Variants in MZT2B observed in about 807,000 individuals in gnomAD.
MZT2B encodes mitotic-spindle organizing protein 2B.
MZT2B carries 11 observed loss-of-function variants against 12.1 expected under a neutral mutation model. The observed-to-expected ratio is 0.91, with a 90% confidence interval of 0.57 to 1.50. The LOEUF is 1.50. MZT2B is among the 40% of genes most tolerant of loss of function. The probability of loss-of-function intolerance (pLI) is 0.00; values close to 1 mark genes in which losing one functional copy is unlikely to be tolerated. For missense variants in MZT2B, 209 were observed against 227.7 expected, an observed-to-expected ratio of 0.92 and a Z score of 0.53; for synonymous variants, 85 against 109.5, an observed-to-expected ratio of 0.78 and a Z score of 1.40.
chr2:130,194,321 G>A (rs778492048), downstream of MZT2B: 4 of 1,612,908 alleles, frequency 2.5e-6, no homozygotes, highest in South Asian at 1.1e-5. Context: ...GACCTGGGGG[G>A]CTGGGTAAAT....
In MZT2B at chr2:130,182,724, C is replaced by T; in HGVS notation, c.268C>T (p.Gln90Ter). 2 of 1,535,326 alleles carry T rather than the reference C, an allele frequency of 1.3e-6. No individual in the cohort carries two copies. The highest frequency in any genetic ancestry group is 1.8e-6 in the Non-Finnish European group (2 of 1,137,802). Residue 90 changes from glutamine (Q) to a stop codon, truncating the protein, a stop_gained, in exon 2 of 3, where the codon CAG becomes TAG. Transcript: ENST00000281871. LOFTEE classifies it high-confidence loss of function. Reference sequence around the variant, plus strand: ...CGGGCAGAGGCTAGCGAGCGAGCCCCAGGACCCTGCGGCCGTGTCTCTGCC... The same window carrying T: ...CGGGCAGAGGCTAGCGAGCGAGCCCTAGGACCCTGCGGCCGTGTCTCTGCC... ...CAGQRLASEP[Q>*]DPAAVSLPTS...
chr2:130,203,395 C>T, the MZT2B span, among the ~76,000 whole-genome samples: 1 of 152,088 alleles, frequency 6.6e-6, no homozygotes, highest in South Asian at 2.1e-4. Flanking sequence ...CCAGCTTGCT[C>T]CAGGTCTCGT....
At chr2:130,193,947 C>T (rs568047874), downstream of MZT2B, 4 of 1,614,220 alleles carry the variant, frequency 2.5e-6, no homozygotes, top group South Asian at 4.4e-5. Flanking sequence ...ATCTGATTGG[C>T]TGGCTCGAAG....
At chr2:130,188,189 C>T (rs534745913) in intron 2 of MZT2B, 7 of 153,082 alleles carry the variant, frequency 4.6e-5, no homozygotes, top group South Asian at 2.1e-4. Context: ...GAAGGGAAGC[C>T]GACTCTGAGT....
In MZT2B at chr2:130,183,920, C is replaced by G. The variant is rs1558776647; in HGVS notation, c.319+1145C>G. 1 of 1,550,596 alleles carries G rather than the reference C, an allele frequency of 6.4e-7. No homozygotes were observed. Among genetic ancestry groups the G allele is most frequent in the South Asian group, 1.2e-5 (1 of 84,062 alleles). On this transcript the variant is annotated intron_variant, in intron 2 of 2. Coordinates refer to ENST00000281871, the MANE Select transcript of MZT2B (RefSeq NM_025029.5). ...CACACTCGCCTCTCTCTCCAGGCCCCCCGGGTTCCCTCCGCCTCTCTTGCT... is the reference window on the plus strand; with the variant it reads ...CACACTCGCCTCTCTCTCCAGGCCCGCCGGGTTCCCTCCGCCTCTCTTGCT...
intron 2 of MZT2B, among the ~76,000 whole-genome samples, chr2:130,190,078 C>T (rs1329820439): frequency 2.0e-5 from 3 of 152,192 alleles, no homozygotes; most frequent in Admixed American, 1.3e-4. Context: ...GATGAGGCAG[C>T]GCATCCCTGC....
At chr2:130,188,673 G>A (rs552628095) in intron 2 of MZT2B, among the ~76,000 whole-genome samples, 11 of 152,238 alleles carry the variant, frequency 7.2e-5, no homozygotes, top group Admixed American at 3.3e-4. Context: ...AGGCAAGAAT[G>A]AGCAAAGATC....
downstream of MZT2B, chr2:130,195,246 G>A (rs1690376731): frequency 1.9e-6 from 3 of 1,612,802 alleles, no homozygotes; most frequent in South Asian, 3.3e-5. Flanking sequence ...GAGACAGTGT[G>A]TACTGTGAAT....
chr2:130,196,857 C>T, the MZT2B span, among the ~76,000 whole-genome samples: 146 of 152,312 alleles, frequency 9.6e-4, no homozygotes, highest in African/African-American at 3.4e-3. Flanking sequence ...TCACCACCTG[C>T]TCTGTGCTCT....
At chr2:130,186,461 G>C (rs1690069117) in intron 2 of MZT2B, among the ~76,000 whole-genome samples, 1 of 152,234 alleles carries the variant, frequency 6.6e-6, no homozygotes, top group Non-Finnish European at 1.5e-5. Flanking sequence ...TTTAAGTTTA[G>C]AGAAACTATA....
downstream of MZT2B, chr2:130,193,881 C>T (rs1372806343): frequency 6.2e-7 from 1 of 1,614,090 alleles, no homozygotes; most frequent in Non-Finnish European, 8.5e-7. Context: ...ACCACGTCCC[C>T]CCTGTACAAC....
intron 2 of MZT2B, 36 bp from the exon 3 acceptor site, chr2:130,190,433 G>C (rs769847156): frequency 1.2e-6 from 2 of 1,606,918 alleles, no homozygotes; most frequent in South Asian, 2.2e-5. Context: ...TACGGGGCAC[G>C]CCCATTCCTA....
At chr2:130,193,647 A>G (rs1690325800), downstream of MZT2B, 3 of 1,101,680 alleles carry the variant, frequency 2.7e-6, no homozygotes, top group African/African-American at 1.6e-5. Flanking sequence ...TCAATTATCA[A>G]CTCTGGTTCA....
chr2:130,187,678 A>G (rs1238415449), intron 2 of MZT2B, among the ~76,000 whole-genome samples: 5 of 152,136 alleles, frequency 3.3e-5, no homozygotes, highest in Non-Finnish European at 7.4e-5. Context: ...GGCTAAGCAA[A>G]GCTGGTTTCC....
intron 2 of MZT2B, chr2:130,188,392 C>G (rs1004785302): frequency 3.0e-5 from 5 of 167,112 alleles, no homozygotes; most frequent in African/African-American, 1.2e-4. Flanking sequence ...GGCCCGTCTG[C>G]TCATGGAAGA....
chr2:130,193,574 A>C (rs1383970358), downstream of MZT2B, among the ~76,000 whole-genome samples: 1 of 146,868 alleles, frequency 6.8e-6, no homozygotes, highest in Admixed American at 7.2e-5. Context: ...GCACCACTGC[A>C]CTCCAGCCTG....
chr2:130,201,619 C>G, the MZT2B span, among the ~76,000 whole-genome samples: 1 of 152,242 alleles, frequency 6.6e-6, no homozygotes, highest in Non-Finnish European at 1.5e-5. Context: ...CATAGCCCCC[C>G]TTCCTCAGGG....
chr2:130,190,741 G>GTTTTTTGTTTTTTTTTTTTTTTTTTTT (rs1573767798), downstream of MZT2B: 1 of 1,096,302 alleles, frequency 9.1e-7, no homozygotes, highest in Non-Finnish European at 1.2e-6. Flanking sequence ...GTTGTCTACC[G>GTTTTTTGTTTTTTTTTTTTTTTTTTTT]TTTTTTTTTT....
chr2:130,204,176 T>C, the MZT2B span: 1 of 1,212,930 alleles, frequency 8.2e-7, no homozygotes, highest in Admixed American at 2.9e-5. Context: ...CAGCAATTGG[T>C]TGAAGCTTCA....
Sources: gnomAD v4.1 joint callset for allele counts (sites outside exome capture counted in the v4.1 genomes callset) on GRCh38, gnomAD v4.1.1 for gene constraint, MANE v1.5 for transcripts, NCBI Gene and HGNC (gene_info 2026-07-23, HGNC 2026-07-21) for gene names.